GLB1: variants seen among roughly 807,000 people sequenced by gnomAD.
The protein encoded by GLB1 is galactosidase beta 1.
A neutral mutation model predicts 74.0 loss-of-function variants in GLB1; 56 were observed. The observed-to-expected ratio is 0.76, with a 90% CI of 0.61 to 0.94. GLB1 has a LOEUF of 0.94. Ranked by LOEUF, GLB1 falls within the 40% of genes least tolerant of loss-of-function variation. The probability of loss-of-function intolerance (pLI) is 0.00; values close to 1 mark genes in which losing one functional copy is unlikely to be tolerated. For synonymous variants in GLB1, 323 were observed against 323.6 expected, an observed-to-expected ratio of 1.00 and a Z score of 0.02; for missense variants, 787 against 845.5, an observed-to-expected ratio of 0.93 and a Z score of 0.86.
chr3:33,087,115 A>ATTT (rs549152597), intron 1 of GLB1, among the ~76,000 whole-genome samples: 164 of 152,292 alleles, frequency 1.1e-3, no homozygotes, highest in African/African-American at 3.8e-3. Context: ...GAAATAAAGA[A>ATTT]TTGTAAGAGA....
intron 10 of GLB1, among the ~76,000 whole-genome samples, chr3:33,042,428 C>T (rs867903303): frequency 1.6e-5 from 2 of 127,716 alleles, no homozygotes; most frequent in Non-Finnish European, 3.2e-5. Context: ...AGTGCAGTGG[C>T]GTGATCTCGG....
At chr3:33,031,444 G>T (rs936618538) in intron 10 of GLB1, among the ~76,000 whole-genome samples, 11 of 151,200 alleles carry the variant, frequency 7.3e-5, no homozygotes, top group African/African-American at 2.4e-4. Context: ...AGGAGTTTGA[G>T]ACCAGCCTGG....
chr3:33,014,291 G>A lies in GLB1; in HGVS notation c.1499C>T (p.Thr500Ile). ...GTCCGTGAGGATATTGGAACTGAGA[G>A]TCAGGTTAGAAACCAAACCCTGCAA... ...NDFKGLVSNL[T>I]LSSNILTDWT... Residue 500 changes from threonine (T) to isoleucine (I), a missense_variant, in exon 15 of 16, where the codon ACT becomes ATT. Thr to Ile is a moderately conservative substitution (Grantham distance 89, BLOSUM62 -1). Transcript: ENST00000307363. 6.2e-7 allele frequency: 1 copy of A among 1,614,124 alleles called. No individual in the cohort carries two copies. The highest frequency in any genetic ancestry group is 8.5e-7 in the Non-Finnish European group (1 of 1,180,004).
the GLB1 span, among the ~76,000 whole-genome samples, chr3:32,967,177 A>G: frequency 6.6e-6 from 1 of 152,240 alleles, no homozygotes; most frequent in East Asian, 1.9e-4. Flanking sequence ...ATTGAAAAGG[A>G]AGAAGCAAAA....
the GLB1 span, among the ~76,000 whole-genome samples, chr3:32,981,090 CAAAAAAAAAAA>C: frequency 8.6e-5 from 4 of 46,288 alleles, no homozygotes; most frequent in African/African-American, 3.5e-4. Flanking sequence ...GACTCCGTCT[CAAAAAAAAAAA>C]AAAAAAAAAA....
intron 15 of GLB1, among the ~76,000 whole-genome samples, chr3:33,004,821 G>A (rs953475385): frequency 1.3e-5 from 2 of 152,182 alleles, no homozygotes; most frequent in African/African-American, 4.8e-5. Flanking sequence ...CAGGGAGAGA[G>A]TTCTGTTTTA....
chr3:32,970,099 C>T, the GLB1 span, among the ~76,000 whole-genome samples: 7 of 152,310 alleles, frequency 4.6e-5, no homozygotes, highest in African/African-American at 1.4e-4. Flanking sequence ...ATTTGGACTG[C>T]CTCTAACTCT....
At chr3:33,027,549 G>A (rs1021313611) in intron 10 of GLB1, among the ~76,000 whole-genome samples, 1 of 152,324 alleles carries the variant, frequency 6.6e-6, no homozygotes, top group African/African-American at 2.4e-5. Flanking sequence ...TTGGGAGGCC[G>A]AGGCAGGCAG....
chr3:33,053,913 T>C (rs1699106966), intron 6 of GLB1, among the ~76,000 whole-genome samples: 2 of 152,154 alleles, frequency 1.3e-5, no homozygotes, highest in Admixed American at 1.3e-4. Context: ...CTCAGGAGGC[T>C]GAGGCAGGAG....
chr3:33,094,414 C>A, intron 1 of GLB1: 3 of 1,249,986 alleles, frequency 2.4e-6, no homozygotes, highest in Non-Finnish European at 3.1e-6. Context: ...CCAAGCTACT[C>A]AAATACCAGT....
intron 1 of GLB1, chr3:33,090,832 A>G (rs1700726488): frequency 1.0e-6 from 1 of 985,452 alleles, no homozygotes; most frequent in Non-Finnish European, 1.2e-6. Context: ...ATAGAAAGCA[A>G]TCAGTCAAGC....
In GLB1 at chr3:33,018,569, G is replaced by C. The variant is rs376560587; in HGVS notation, c.1234-8C>G. 5.6e-6 allele frequency: 9 copies of C among 1,613,902 alleles called. No individual in the cohort carries two copies. In the African/African-American group the frequency reaches 1.2e-4, roughly 22 times the overall value. On this transcript the variant is annotated splice_region_variant and splice_polypyrimidine_tract_variant and intron_variant, in intron 12 of 15. Transcript: ENST00000307363. ...CAGCACAAACCCATAATGCTGGTTAGAAAAGGATTTAAGAAAAATACATCA... is the reference window on the plus strand; with the variant it reads ...CAGCACAAACCCATAATGCTGGTTACAAAAGGATTTAAGAAAAATACATCA...
intron 10 of GLB1, among the ~76,000 whole-genome samples, chr3:33,042,346 A>G (rs956141910): frequency 7.3e-6 from 1 of 137,660 alleles, no homozygotes; most frequent in Non-Finnish European, 1.6e-5. Flanking sequence ...TTCCCCATCT[A>G]TATCCCTGAC....
intron 1 of GLB1, 148 bp from the exon 2 acceptor site, chr3:33,072,861 A>T: frequency 7.5e-7 from 1 of 1,341,736 alleles, no homozygotes; most frequent in Non-Finnish European, 1.0e-6. Context: ...TATCATACAA[A>T]CCATTGCTAA....
chr3:33,051,145 A>C (rs1421574095), intron 9 of GLB1, among the ~76,000 whole-genome samples: 1 of 148,336 alleles, frequency 6.7e-6, no homozygotes, highest in Non-Finnish European at 1.5e-5. Flanking sequence ...CGGTGGGAGA[A>C]TGATGTGAAC....
intron 9 of GLB1, among the ~76,000 whole-genome samples, chr3:33,049,345 G>A (rs1287402933): frequency 2.2e-5 from 3 of 134,650 alleles, no homozygotes; most frequent in East Asian, 1.9e-4. Context: ...TGTGCAGGAC[G>A]TGTAGGTTTG....
chr3:33,052,673 G>A (rs140148971), intron 7 of GLB1: 1 of 153,370 alleles, frequency 6.5e-6, no homozygotes, highest in African/African-American at 2.4e-5. Context: ...ACCTTTGTAT[G>A]AATCCAGATT....
intron 1 of GLB1, chr3:33,096,559 C>T: frequency 1.0e-6 from 1 of 984,400 alleles, no homozygotes; most frequent in Non-Finnish European, 1.2e-6. Context: ...GTTCCCACTG[C>T]AAGGGCCTCT....
chr3:33,096,223 T>C, intron 1 of GLB1: 1 of 218,650 alleles, frequency 4.6e-6, no homozygotes, highest in Non-Finnish European at 7.7e-6. Flanking sequence ...TCCGCAGGTG[T>C]GATGCAAACC....
Sources: allele counts gnomAD v4.1 joint callset (sites outside exome capture counted in the v4.1 genomes callset), GRCh38; gene constraint gnomAD v4.1.1; transcripts MANE v1.5; gene names NCBI Gene and HGNC (gene_info 2026-07-23, HGNC 2026-07-21).